Variants in KCNH4 observed in about 807,000 individuals in gnomAD.
KCNH4 encodes the protein voltage-gated delayed rectifier potassium channel KCNH4.
KCNH4 carries 33 observed loss-of-function variants against 90.7 expected under a neutral mutation model. That is an observed-to-expected ratio of 0.36 (90% CI 0.28 to 0.49). The LOEUF is 0.49. Ranked by LOEUF, KCNH4 falls within the 20% of genes least tolerant of loss-of-function variation. The pLI is 0.98. For synonymous variants in KCNH4, 551 were observed against 581.7 expected (o/e 0.95, Z 0.76); for missense variants, 1,044 against 1,387.1 (o/e 0.75, Z 3.93).
At chr17:42,159,112 C>T (rs968469601) in intron 16 of KCNH4, among the ~76,000 whole-genome samples, 4 of 152,012 alleles carry the variant, frequency 2.6e-5, no homozygotes, top group Admixed American at 6.6e-5. Flanking sequence ...ACTGCAACCT[C>T]CGCCTCCCGG....
In KCNH4 at chr17:42,179,088, C is replaced by T. The variant is rs562325335; in HGVS notation, c.77-62G>A. 5.3e-5 allele frequency: 66 copies of T among 1,243,810 alleles called. No homozygotes were observed. In the African/African-American group the frequency reaches 8.7e-4, roughly 16 times the overall value. The allele number at this position is 1,243,810 out of a possible 1,614,324, so 77.0% of individuals were successfully genotyped here. A position where few individuals can be genotyped will look rare whatever the true frequency, so the allele number is the denominator to read the frequency against. On this transcript the variant is annotated intron_variant, in intron 1 of 16. Coordinates refer to ENST00000264661, the MANE Select transcript of KCNH4 (RefSeq NM_012285.3). ...GGAGGCGAGCTAGCTTCCAGGTGGG[C>T]AGCACTTCCTCTAAGTTGGGGTTAG... is the stretch of plus-strand genomic sequence containing the variant.
At chr17:42,167,570 G>A (rs1046063083) in intron 9 of KCNH4, among the ~76,000 whole-genome samples, 10 of 152,000 alleles carry the variant, frequency 6.6e-5, no homozygotes, top group African/African-American at 2.4e-4. Context: ...CCAGCCAAGA[G>A]CTGATTCCCA....
rs753271278 is a variant in KCNH4 at position 42,171,794 on chromosome 17, C to G, written c.1189G>C (p.Asp397His). ...EMEANDPLLW[D>H]IGWLHELGKR... is the part of the protein sequence containing the mutation. The stretch of plus-strand genomic sequence containing the variant: ...TTTGGGGTCGGTGGCTCACCAATGT[C>G]CCAGAGCAGCGGGTCATTGGCCTCC... Residue 397 changes from aspartate to histidine, a missense_variant, in exon 7 of 17, where the codon GAC becomes CAC. Coordinates refer to ENST00000264661, the MANE Select transcript of KCNH4 (RefSeq NM_012285.3). 6.2e-7 allele frequency: 1 copy of G among 1,614,076 alleles called. No homozygotes were observed. Among genetic ancestry groups the G allele is most frequent in the Non-Finnish European group, 8.5e-7 (1 of 1,180,000 alleles).
chr17:42,163,415 A>G lies in KCNH4; in HGVS notation c.2478-81T>C, dbSNP rs1464711521. The G allele has an allele frequency of 2.9e-6, 3 of 1,050,900 alleles. No individual in the cohort carries two copies. The highest frequency in any genetic ancestry group is 3.1e-5 in the African/African-American group (2 of 63,744). 65.1% of individuals were successfully genotyped at this position (1,050,900 alleles called of 1,614,324 possible). A position where few individuals can be genotyped will look rare whatever the true frequency, so the allele number is the denominator to read the frequency against. On this transcript the variant is annotated intron_variant, in intron 13 of 16. Transcript: ENST00000264661. This position sits in a 1 kb window ranked among gnomAD's most constrained non-coding sequence, Gnocchi z 5.4. Reference sequence around the variant, plus strand: ...GAGCAGACAGAGGGGGACTGGGGGCAGCAGTGCCAGGGGGCGGAGCAAGAG... The same window carrying G: ...GAGCAGACAGAGGGGGACTGGGGGCGGCAGTGCCAGGGGGCGGAGCAAGAG...
chr17:42,178,605 G>A, intron 2 of KCNH4, 128 bp from the exon 3 acceptor site: 2 of 1,280,724 alleles, frequency 1.6e-6, no homozygotes, highest in Admixed American at 5.0e-5. Context: ...GAACCTCAGA[G>A]ATTCTGTCAG....
rs772545598 is a variant in KCNH4, at chr17:42,169,460, G to C, written c.1590+17C>G. 1.2e-6 allele frequency: 2 copies of C among 1,611,430 alleles called. No homozygotes were observed. The highest frequency in any genetic ancestry group is 1.7e-5 in the Admixed American group (1 of 59,990). On this transcript the variant is annotated intron_variant, in intron 9 of 16. Coordinates refer to ENST00000264661, the MANE Select transcript of KCNH4 (RefSeq NM_012285.3). Reference sequence around the variant, plus strand: ...CACGCGGAGGGCAAGGGCAAGATTGGAGACCCTGCAGGCTACCTCGTTGGC... The same window carrying C: ...CACGCGGAGGGCAAGGGCAAGATTGCAGACCCTGCAGGCTACCTCGTTGGC...
chr17:42,170,400 C>T, intron 7 of KCNH4, 99 bp from the exon 8 acceptor site: 1 of 958,676 alleles, frequency 1.0e-6, no homozygotes. Flanking sequence ...AGTATTTATA[C>T]ACAGGTTGGC....
At chr17:42,165,311 G>A (rs2079779242) in intron 11 of KCNH4, 138 bp downstream of exon 11, 1 of 1,071,118 alleles carries the variant, frequency 9.3e-7, no homozygotes, top group South Asian at 1.5e-5. Context: ...AAGCAGGTAA[G>A]GGGCAATGGA....
chr17:42,180,731 C>T lies in KCNH4; in HGVS notation c.76+139G>A. 1.2e-6 allele frequency: 1 copy of T among 854,616 alleles called. No individual in the cohort carries two copies. Among genetic ancestry groups the T allele is most frequent in the East Asian group, 2.7e-5 (1 of 37,136 alleles). The allele number at this position is 854,616 out of a possible 1,614,324, so 52.9% of individuals were successfully genotyped here. ...CACTCCCCGCCCTGTTCCTGCACCG[C>T]GGCTTTGGGAGTTCCTAGACCCGCA... On this transcript the variant is annotated intron_variant, in intron 1 of 16. Coordinates refer to ENST00000264661, the MANE Select transcript of KCNH4 (RefSeq NM_012285.3). This position sits in a 1 kb window ranked among gnomAD's most constrained non-coding sequence, Gnocchi z 4.7.
chr17:42,178,645 C>A (rs917009891), intron 2 of KCNH4, 148 bp downstream of exon 2: 83 of 1,148,752 alleles, frequency 7.2e-5, no homozygotes, highest in Middle Eastern at 2.9e-4. Flanking sequence ...AATGGGGGAA[C>A]CCAGGACCAG....
intron 5 of KCNH4, 37 bp downstream of exon 5, chr17:42,176,017 G>A (rs1240849276): frequency 2.6e-5 from 41 of 1,562,896 alleles, no homozygotes; most frequent in Non-Finnish European, 3.4e-5. Flanking sequence ...GATCCCCCCA[G>A]CCGACCCACC....
intron 9 of KCNH4, among the ~76,000 whole-genome samples, chr17:42,166,997 T>C (rs1300377431): frequency 6.6e-6 from 1 of 152,158 alleles, no homozygotes; most frequent in Non-Finnish European, 1.5e-5. Context: ...AATGACCTCT[T>C]ATGGCCACAC....
At chr17:42,169,828 G>A (rs965329209) in intron 8 of KCNH4, 152 bp from the exon 9 acceptor site, 2 of 784,472 alleles carry the variant, frequency 2.5e-6, no homozygotes, top group East Asian at 2.7e-5. Flanking sequence ...AATAGGGAGT[G>A]GTCCAGAGAT....
In KCNH4 at chr17:42,166,319, G is replaced by C. The variant is rs1479514348; in HGVS notation, c.1818C>G (p.Asp606Glu). 2.5e-5 allele frequency: 40 copies of C among 1,608,574 alleles called. No homozygotes were observed. Among genetic ancestry groups the C allele is most frequent in the Non-Finnish European group, 3.1e-5 (37 of 1,177,558 alleles). The change falls in exon 10 of 17, where the codon GAC becomes GAG. Residue 606 changes from aspartate (D) to glutamate (E), a missense_variant. Asp to Glu is a conservative substitution (Grantham distance 45). Transcript: ENST00000264661. ...TACCCAGGATGGCCAGCACCATGTT[G>C]TCTCGGAGCACCTCAAGCGAGCCGG... Reference protein sequence around the residue: ...VCSGSLEVLRDNMVLAILGKG... With the variant: ...VCSGSLEVLRENMVLAILGKG...
chr17:42,160,695 C>A (rs922703415), intron 15 of KCNH4, among the ~76,000 whole-genome samples: 2 of 152,160 alleles, frequency 1.3e-5, no homozygotes, highest in African/African-American at 4.8e-5. Flanking sequence ...AAAATGTGCT[C>A]AAAGAGGCCA....
chr17:42,172,979 T>G (rs905819817), intron 6 of KCNH4, among the ~76,000 whole-genome samples: 1 of 149,128 alleles, frequency 6.7e-6, no homozygotes, highest in African/African-American at 2.5e-5. Flanking sequence ...AGCAGAAGAG[T>G]TGAGGGGGCA....
intron 15 of KCNH4, among the ~76,000 whole-genome samples, chr17:42,161,250 C>G (rs963148721): frequency 6.6e-6 from 1 of 152,200 alleles, no homozygotes; most frequent in Non-Finnish European, 1.5e-5. Context: ...CTGACAGATA[C>G]TTGTTTGGGA....
In KCNH4 at chr17:42,171,882, C is replaced by A. The variant is rs566520890; in HGVS notation, c.1101G>T (p.Ser367=). Residue 367 remains serine (S), a synonymous_variant, in exon 7 of 17, where the codon TCG becomes TCT. Transcript: ENST00000264661. ...TCCAGTGGGCAAGGAGCGCAAAGAC[C>A]GACATGAGCAGCGTGAGCACCACAG... ...CSAVVLTLLM[S]VFALLAHWMA... 11 of 1,613,990 alleles carry A rather than the reference C, an allele frequency of 6.8e-6. No individual in the cohort carries two copies. The highest frequency in any genetic ancestry group is 1.7e-5 in the Admixed American group (1 of 59,990).
Position 42,170,099 on chromosome 17 carries a change from G to A in KCNH4, c.1390+8C>T. On this transcript the variant is annotated splice_region_variant and intron_variant, in intron 8 of 16. Coordinates refer to ENST00000264661, the MANE Select transcript of KCNH4 (RefSeq NM_012285.3). ...GGCCCCACTGAGGCGTGGCAGGTCTGGCCTCACCGCCTATGAGCATCGTGC... is the reference window on the plus strand; with the variant it reads ...GGCCCCACTGAGGCGTGGCAGGTCTAGCCTCACCGCCTATGAGCATCGTGC... The A allele has an allele frequency of 6.3e-7, 1 of 1,591,104 alleles. No homozygotes were observed. The highest frequency in any genetic ancestry group is 8.6e-7 in the Non-Finnish European group (1 of 1,167,226).
Sources: allele counts gnomAD v4.1 joint callset (sites outside exome capture counted in the v4.1 genomes callset), GRCh38; gene constraint gnomAD v4.1.1; non-coding constraint Gnocchi (gnomAD v3.1); transcripts MANE v1.5; gene names NCBI Gene and HGNC (gene_info 2026-07-23, HGNC 2026-07-21).